Variants in ZNF841 observed in about 807,000 individuals in gnomAD.
ZNF841 encodes TCONS_00006091.
Under a neutral mutation model 13.0 loss-of-function variants are expected in ZNF841, and 11 were observed. That is an observed-to-expected ratio of 0.85 (90% confidence interval 0.53 to 1.40). The LOEUF is 1.40. Ranked by LOEUF, ZNF841 falls within the 40% of genes most tolerant of loss-of-function variation. The pLI is 0.00. For missense variants in ZNF841, 1,068 were observed against 1,139.5 expected, an observed-to-expected ratio of 0.94 and a Z score of 0.90; for synonymous variants, 369 against 381.6, an observed-to-expected ratio of 0.97 and a Z score of 0.38.
Position 52,066,813 on chromosome 19 carries a change from T to C in ZNF841, c.1069A>G (p.Ser357Gly), listed in dbSNP as rs778992417. 3.1e-6 allele frequency: 5 copies of C among 1,613,776 alleles called. No individual in the cohort carries two copies. The African/African-American group carries it at 4.0e-5, about 13-fold the overall frequency. ...CTCTGATGAACTGCAAGGTGGGAAC[T>C]TTTACTAAAGGACTTGCCACATTCA... ...CNECGKSFSK[S>G]SHLAVHQRIH... The change falls in exon 7 of 7, where the codon AGT (serine) becomes GGT (glycine). Residue 357 changes from serine (S) to glycine (G), a missense_variant. Ser to Gly is a moderately conservative substitution (Grantham distance 56). Coordinates refer to ENST00000594440, the MANE Select transcript of ZNF841 (RefSeq NM_001136499.2).
At chr19:52,078,006 A>T (rs1392247343) in intron 4 of ZNF841, among the ~76,000 whole-genome samples, 1 of 152,196 alleles carries the variant, frequency 6.6e-6, no homozygotes, top group African/African-American at 2.4e-5. Context: ...AAGGATCATT[A>T]TATAGGCTAG....
chr19:52,092,552 T>G (rs1453903879), intron 2 of ZNF841, among the ~76,000 whole-genome samples: 1 of 152,148 alleles, frequency 6.6e-6, no homozygotes, highest in African/African-American at 2.4e-5. Flanking sequence ...GGAGTGTACA[T>G]CAGTACAGCC....
chr19:52,064,966 C>T lies in ZNF841; in HGVS notation c.*141G>A, dbSNP rs1433540059. 1 of 681,768 alleles carries T rather than the reference C, an allele frequency of 1.5e-6. No homozygotes were observed. Among genetic ancestry groups the T allele is most frequent in the Non-Finnish European group, 2.4e-6 (1 of 422,124 alleles). 42.2% of individuals were successfully genotyped at this position (681,768 alleles called of 1,614,324 possible). A position where few individuals can be genotyped will look rare whatever the true frequency, so the allele number is the denominator to read the frequency against. On this transcript the variant is annotated 3_prime_UTR_variant, in exon 7 of 7. Transcript: ENST00000594440. ...CAAGGACAGCAACAAGGGGATGGTA[C>T]TAAAACTTTCTTGAGAAAGCCACCC...
chr19:52,070,225 G>A (rs1392598138), intron 6 of ZNF841, among the ~76,000 whole-genome samples: 1 of 152,262 alleles, frequency 6.6e-6, no homozygotes, highest in African/African-American at 2.4e-5. Context: ...ATTTTGTGTA[G>A]AGCACCTGAT....
chr19:52,066,021 C>G lies in ZNF841; in HGVS notation c.1861G>C (p.Gly621Arg). The part of the protein sequence containing the change: ...NLSIHRRSHT[G>R]EKPFQCNECG... ...TCGTTACACTGGAAAGGTTTCTCTC[C>G]GGTATGACTTCGCCTATGAATTGAA... Residue 621 changes from glycine to arginine, a missense_variant, in exon 7 of 7, where the codon GGA becomes CGA. Coordinates refer to ENST00000594440, the MANE Select transcript of ZNF841 (RefSeq NM_001136499.2). 1.9e-6 allele frequency: 3 copies of G among 1,614,036 alleles called. No homozygotes were observed. Among genetic ancestry groups the G allele is most frequent in the Non-Finnish European group, 2.5e-6 (3 of 1,179,940 alleles).
At chr19:52,062,497 A>G (rs2087420692), downstream of ZNF841, among the ~76,000 whole-genome samples, 1 of 152,168 alleles carries the variant, frequency 6.6e-6, no homozygotes, top group Admixed American at 6.5e-5. Context: ...CAGTACAGTG[A>G]CCTTAATCTT....
the ZNF841 span, chr19:52,059,176 G>C: frequency 6.6e-6 from 1 of 151,166 alleles, no homozygotes; most frequent in Non-Finnish European, 1.5e-5. Context: ...GTGAAACCCT[G>C]TCTCTACTAA....
At position 52,067,450 on chromosome 19, in the gene ZNF841, T is replaced by C. The variant is rs2087615967; in HGVS notation, c.432A>G (p.Gln144=). 3 of 1,552,192 alleles carry C rather than the reference T, an allele frequency of 1.9e-6. No homozygotes were observed. The highest frequency in any genetic ancestry group is 1.4e-5 in the African/African-American group (1 of 72,958). Residue 144 remains glutamine (Q), a synonymous_variant, in exon 7 of 7, where the codon CAA becomes CAG. Coordinates refer to ENST00000594440, the MANE Select transcript of ZNF841 (RefSeq NM_001136499.2). The part of the protein sequence containing the change: ...IRKNLQEVDF[Q]WKDGEINYKE... ...TATAATTTATTTCACCATCTTTCCA[T>C]TGAAAGTCAACTTCCTGTAGATTTT...
Position 52,076,650 on chromosome 19 carries a change from C to CAAA in ZNF841, c.142+305_142+307dup, listed in dbSNP as rs35136245. 2.5e-3 allele frequency among the ~76,000 whole-genome samples: 274 copies of CAAA among 109,000 alleles called. 2 individuals are homozygous for CAAA. The highest frequency in any genetic ancestry group is 8.0e-3 in the African/African-American group (263 of 32,742). 71.5% of individuals were successfully genotyped at this position (109,000 alleles called of 152,430 possible). ...CCTGGGTGACAGACTGAGACTGTGT[C>CAAA]AAAAAAAAAAAAAAAAAGCACAAGG... is the stretch of plus-strand genomic sequence containing the variant. On this transcript the variant is annotated intron_variant, in intron 5 of 6. Transcript: ENST00000594440.
chr19:52,059,064 TAC>T, the ZNF841 span: 45 of 153,330 alleles, frequency 2.9e-4, no homozygotes, highest in Non-Finnish European at 2.1e-4. Flanking sequence ...AAAAAATTTG[TAC>T]AGAGAGGCTG....
Position 52,067,206 on chromosome 19 carries a change from T to C in ZNF841, c.676A>G (p.Ile226Val). The stretch of plus-strand genomic sequence containing the variant: ...ATGTTGGTTTGGACACCAGGAAAAA[T>C]TCTTTGAAGTGGTGAAGCTAAAAAA... ...NCFLASPLQR[I>V]FPGVQTNISR... Residue 226 changes from isoleucine (I) to valine (V), a missense_variant, in exon 7 of 7, where the codon ATT becomes GTT. By Grantham distance (29) the Ile-to-Val change is conservative. Coordinates refer to ENST00000594440, the MANE Select transcript of ZNF841 (RefSeq NM_001136499.2). The C allele has an allele frequency of 6.5e-7, 1 of 1,550,082 alleles. No homozygotes were observed. The highest frequency in any genetic ancestry group is 1.2e-5 in the South Asian group (1 of 83,556).
At chr19:52,059,370 A>AAATATAT in the ZNF841 span, among the ~76,000 whole-genome samples, 1 of 69,654 alleles carries the variant, frequency 1.4e-5, no homozygotes, top group African/African-American at 8.2e-5. Flanking sequence ...AAAAAAAAAA[A>AAATATAT]ATATATATAT....
chr19:52,087,235 T>C (rs2088304075), intron 3 of ZNF841, among the ~76,000 whole-genome samples: 1 of 152,188 alleles, frequency 6.6e-6, no homozygotes, highest in Admixed American at 6.5e-5. Context: ...AGTTCAGGGG[T>C]ACATGTGCAG....
downstream of ZNF841, among the ~76,000 whole-genome samples, chr19:52,060,047 A>T (rs1188620203): frequency 6.6e-6 from 1 of 152,188 alleles, no homozygotes; most frequent in Admixed American, 6.5e-5. Context: ...ACCCAAGAAG[A>T]TTCTGTATCT....
intron 6 of ZNF841, among the ~76,000 whole-genome samples, chr19:52,071,711 A>T (rs924574955): frequency 6.6e-6 from 1 of 152,168 alleles, no homozygotes; most frequent in East Asian, 1.9e-4. Context: ...TGTATAGAAG[A>T]CACACACAAT....
chr19:52,090,654 G>GGAAAGAAAGAAA (rs60931653), intron 2 of ZNF841, among the ~76,000 whole-genome samples: 5,541 of 84,488 alleles, frequency 0.066, 280 homozygotes, highest in Non-Finnish European at 0.083. Flanking sequence ...AAGGAAGGAA[G>GGAAAGAAAGAAA]GAAAGAAAGA....
intron 6 of ZNF841, among the ~76,000 whole-genome samples, chr19:52,074,874 T>C (rs1396546554): frequency 6.6e-6 from 1 of 152,204 alleles, no homozygotes; most frequent in Admixed American, 6.5e-5. Flanking sequence ...CATTAGTATA[T>C]GAGATCAACA....
At chr19:52,073,880 TTAC>T (rs1182170462) in intron 6 of ZNF841, among the ~76,000 whole-genome samples, 1 of 152,114 alleles carries the variant, frequency 6.6e-6, no homozygotes, top group Non-Finnish European at 1.5e-5. Flanking sequence ...AAACTGAAAC[TTAC>T]TACAGAAAAG....
rs749503798 is a variant in ZNF841, at chr19:52,065,571, C to T, written c.2311G>A (p.Gly771Ser). 30 of 1,613,844 alleles carry T rather than the reference C, an allele frequency of 1.9e-5. No homozygotes were observed. Among genetic ancestry groups the T allele is most frequent in the Non-Finnish European group, 2.5e-5 (30 of 1,179,936 alleles). Residue 771 changes from glycine to serine, a missense_variant, in exon 7 of 7, where the codon GGC becomes AGC. Physicochemically the swap from Gly to Ser is moderately conservative, Grantham distance 56 (BLOSUM62 0). Coordinates refer to ENST00000594440, the MANE Select transcript of ZNF841 (RefSeq NM_001136499.2). ...CCTGAGCGATAACGGAAGACCTTGC[C>T]ACATTCATTACATTTGTAAGGTTTC... ...GEKPYKCNEC[G>S]KVFRYRSGLA... is the part of the protein sequence containing the mutation.
Sources: gnomAD v4.1 joint callset for allele counts (sites outside exome capture counted in the v4.1 genomes callset) on GRCh38, gnomAD v4.1.1 for gene constraint, MANE v1.5 for transcripts, NCBI Gene and HGNC (gene_info 2026-07-23, HGNC 2026-07-21) for gene names.